DEAF1: variants seen among roughly 807,000 people sequenced by gnomAD.
The protein encoded by DEAF1 is DEAF1 transcription factor.
Under a neutral mutation model 58.9 loss-of-function variants are expected in DEAF1, and 53 were observed. That is an observed-to-expected ratio of 0.90 (90% CI 0.72 to 1.13). The LOEUF is 1.13. DEAF1 is among the 50% of genes most tolerant of loss of function. The pLI, the probability that DEAF1 is intolerant of heterozygous loss-of-function variation, is 0.00. For synonymous variants in DEAF1, 385 were observed against 340.4 expected (o/e 1.13, Z -1.44); for missense variants, 685 against 791.4 (o/e 0.87, Z 1.61).
chr11:681,487 T>C (rs971600366), intron 6 of DEAF1, among the ~76,000 whole-genome samples: 1 of 151,300 alleles, frequency 6.6e-6, no homozygotes, highest in Non-Finnish European at 1.5e-5. Flanking sequence ...CTGGGCTCAC[T>C]GCAAGCTCTG....
Position 644,856 on chromosome 11 carries a change from G to A in DEAF1, c.1594-202C>T, listed in dbSNP as rs193189701. On this transcript the variant is annotated intron_variant, in intron 11 of 11. Coordinates refer to ENST00000382409, the MANE Select transcript of DEAF1 (RefSeq NM_021008.4). The surrounding 1 kb of genome is among the most constrained non-coding windows in gnomAD (Gnocchi z 4.3). Reference sequence around the variant, plus strand: ...CTTCCCCACACTCTCTTGGTTTGAGGAATTGGATCAAAAGGCAAACAACAG... The same window carrying A: ...CTTCCCCACACTCTCTTGGTTTGAGAAATTGGATCAAAAGGCAAACAACAG... Among the ~76,000 whole-genome samples the A allele has an allele frequency of 8.5e-5, 13 of 152,242 alleles. No individual in the cohort carries two copies. Among genetic ancestry groups the A allele is most frequent in the African/African-American group, 3.1e-4 (13 of 41,548 alleles).
At chr11:695,842 G>C (rs7928305), upstream of DEAF1, 60 of 1,231,522 alleles carry the variant, frequency 4.9e-5, no homozygotes, top group Non-Finnish European at 5.8e-5. Flanking sequence ...CGGCCCCGCG[G>C]CGAGGTGAGC....
chr11:687,815 T>C (rs1860662962), intron 4 of DEAF1, 96 bp downstream of exon 4: 1 of 1,542,842 alleles, frequency 6.5e-7, no homozygotes, highest in African/African-American at 1.4e-5. Flanking sequence ...TAACTAGTTC[T>C]AGGTGCCATG....
chr11:685,703 A>G (rs1564948778), intron 5 of DEAF1, among the ~76,000 whole-genome samples: 1 of 152,074 alleles, frequency 6.6e-6, no homozygotes, highest in East Asian at 1.9e-4. Context: ...CTCAAAAAAA[A>G]AAAAAATTGT....
chr11:694,217 A>C (rs1189712446), intron 1 of DEAF1, among the ~76,000 whole-genome samples: 1 of 145,938 alleles, frequency 6.9e-6, no homozygotes. Flanking sequence ...GCCACAAAGA[A>C]AAGGGGGGCA....
At chr11:700,189 C>T (rs777292220), upstream of DEAF1, 1 of 1,614,204 alleles carries the variant, frequency 6.2e-7, no homozygotes, top group East Asian at 2.2e-5. Context: ...GCGGAACGTA[C>T]TACGCCCTGT....
chr11:671,849 AG>A (rs371545495), intron 10 of DEAF1, among the ~76,000 whole-genome samples: 19,712 of 51,850 alleles, frequency 0.38, 2,748 homozygotes, highest in African/African-American at 0.52. Flanking sequence ...AAAAAAAAAA[AG>A]AAACACAAAA....
rs551863085 is a variant in DEAF1 at position 678,166 on chromosome 11, G to A, written c.1255+528C>T. Among the ~76,000 whole-genome samples the A allele has an allele frequency of 6.0e-5, 9 of 150,574 alleles. No individual in the cohort carries two copies. In the South Asian group the frequency reaches 1.3e-3, roughly 21 times the overall value. ...AGAGGTTGCAGTGAGCCAAGATTGCGCCACTGCACCCCAGCCTGGGCAATA... is the reference window on the plus strand; with the variant it reads ...AGAGGTTGCAGTGAGCCAAGATTGCACCACTGCACCCCAGCCTGGGCAATA... On this transcript the variant is annotated intron_variant, in intron 9 of 11. Coordinates refer to ENST00000382409, the MANE Select transcript of DEAF1 (RefSeq NM_021008.4).
At chr11:677,972 A>AC (rs1284991678) in intron 9 of DEAF1, among the ~76,000 whole-genome samples, 1 of 142,910 alleles carries the variant, frequency 7.0e-6, no homozygotes, top group African/African-American at 2.6e-5. Context: ...CAAAAAAAAA[A>AC]ACAAAAAACG....
intron 11 of DEAF1, among the ~76,000 whole-genome samples, chr11:651,805 G>A (rs1292231222): frequency 6.6e-6 from 1 of 152,224 alleles, no homozygotes; most frequent in Non-Finnish European, 1.5e-5. Context: ...AGAATGGCGT[G>A]AACCTGGGAG....
chr11:703,829 C>G, intron 1 of DEAF1: 1 of 1,234,986 alleles, frequency 8.1e-7, no homozygotes, highest in East Asian at 3.2e-5. Context: ...AGGGCTAAGG[C>G]CGGGGATGAG....
intron 10 of DEAF1, among the ~76,000 whole-genome samples, chr11:672,160 C>T (rs916154568): frequency 6.6e-6 from 1 of 152,356 alleles, no homozygotes; most frequent in Non-Finnish European, 1.5e-5. Context: ...ACATAGAATA[C>T]GGCCTGGGAT....
chr11:697,113 AAT>A, upstream of DEAF1, among the ~76,000 whole-genome samples: 1 of 142,002 alleles, frequency 7.0e-6, no homozygotes, highest in East Asian at 2.2e-4. Context: ...AAAAAAAAAA[AAT>A]TACCTCAGGG....
At chr11:670,771 GTTTTTGTTTT>G (rs1372604378) in intron 10 of DEAF1, among the ~76,000 whole-genome samples, 12 of 45,290 alleles carry the variant, frequency 2.6e-4, no homozygotes, top group East Asian at 1.9e-3. Flanking sequence ...TTTTCTTTTT[GTTTTTGTTTT>G]TTTTTTTTTT....
At chr11:689,663 C>G (rs1860747436) in intron 2 of DEAF1, 1 of 152,242 alleles carries the variant, frequency 6.6e-6, no homozygotes. Flanking sequence ...CAAAGACCTG[C>G]AGCTCTTCAC....
intron 1 of DEAF1, chr11:704,305 G>A (rs1590040967): frequency 1.1e-5 from 8 of 715,970 alleles, no homozygotes; most frequent in Non-Finnish European, 1.4e-5. Flanking sequence ...ACTGTCCTGG[G>A]CCTCCACTGG....
chr11:653,895 GCCAC>G, intron 11 of DEAF1, 63 bp downstream of exon 11: 1 of 1,448,036 alleles, frequency 6.9e-7, no homozygotes, highest in South Asian at 1.1e-5. Context: ...GGGAGGGAGG[GCCAC>G]CCAGGGGTCT....
At chr11:657,276 G>C (rs557394486) in intron 10 of DEAF1, among the ~76,000 whole-genome samples, 11 of 152,296 alleles carry the variant, frequency 7.2e-5, no homozygotes, top group Non-Finnish European at 1.2e-4. Context: ...GGCAGGGAAT[G>C]CAAGAGGAGG....
At chr11:706,890 A>T (rs1861736684) in exon 1 of DEAF1, 1 of 152,676 alleles carries the variant, frequency 6.5e-6, no homozygotes, top group Non-Finnish European at 1.5e-5. Flanking sequence ...CAGGAGAGGC[A>T]GGAGGGTGGG....
Sources: allele counts gnomAD v4.1 joint callset (sites outside exome capture counted in the v4.1 genomes callset), GRCh38; gene constraint gnomAD v4.1.1; non-coding constraint Gnocchi (gnomAD v3.1); transcripts MANE v1.5; gene names NCBI Gene and HGNC (gene_info 2026-07-23, HGNC 2026-07-21).